The following PRSS23 variants were observed in gnomAD, a reference collection of about 807,000 sequenced individuals.
The protein encoded by PRSS23 is protease, serine 23.
In PRSS23, 25 loss-of-function variants were observed where a neutral mutation model predicts 34.7. The observed-to-expected ratio is 0.72, with a 90% CI of 0.53 to 1.01. The LOEUF (loss-of-function observed/expected upper bound fraction) is 1.01. Among genes scored for constraint, PRSS23 ranks in the 50% least tolerant of loss-of-function variants. PRSS23 has a pLI of 0.00. For missense variants in PRSS23, 445 were observed against 475.6 expected, an observed-to-expected ratio of 0.94 and a Z score of 0.60; for synonymous variants, 176 against 186.6, an observed-to-expected ratio of 0.94 and a Z score of 0.46.
At chr11:86,917,243 C>T (rs1021153993) in intron 2 of PRSS23, among the ~76,000 whole-genome samples, 5 of 152,158 alleles carry the variant, frequency 3.3e-5, no homozygotes, top group East Asian at 1.9e-4. Flanking sequence ...CGCTTGAACC[C>T]GGGAGACGGA....
At chr11:86,824,369 A>T (rs921552509) in intron 2 of PRSS23, among the ~76,000 whole-genome samples, 6 of 146,708 alleles carry the variant, frequency 4.1e-5, no homozygotes, top group African/African-American at 1.5e-4. Flanking sequence ...ATAAAATAAA[A>T]TAAATAAAAT....
chr11:86,949,643 T>C (rs1316232999), intron 2 of PRSS23: 1 of 152,648 alleles, frequency 6.6e-6, no homozygotes, highest in Non-Finnish European at 1.5e-5. Flanking sequence ...CTGCTGGGGG[T>C]ACCCCCTTGT....
chr11:86,830,860 A>C (rs112000774), intron 2 of PRSS23, among the ~76,000 whole-genome samples: 2,379 of 152,120 alleles, frequency 0.016, 65 homozygotes, highest in African/African-American at 0.054. Context: ...GTTCCTCCTA[A>C]TGTCATCAGG....
At chr11:86,812,459 C>T (rs1008216219), downstream of PRSS23, among the ~76,000 whole-genome samples, 1 of 152,240 alleles carries the variant, frequency 6.6e-6, no homozygotes, top group East Asian at 1.9e-4. Flanking sequence ...GGGTTCCCCC[C>T]GGAGGAGGAA....
intron 2 of PRSS23, among the ~76,000 whole-genome samples, chr11:86,881,266 T>C (rs1158075360): frequency 6.6e-6 from 1 of 152,020 alleles, no homozygotes. Context: ...TTTTTTTTTT[T>C]TTTTTATCAT....
At chr11:86,928,217 AATAT>A (rs538992435) in intron 2 of PRSS23, among the ~76,000 whole-genome samples, 14 of 129,986 alleles carry the variant, frequency 1.1e-4, no homozygotes, top group Admixed American at 8.8e-4. Flanking sequence ...TATACTTATA[AATAT>A]ATATGTATTA....
intron 2 of PRSS23, among the ~76,000 whole-genome samples, chr11:86,843,975 T>C (rs1948468032): frequency 6.6e-6 from 1 of 152,230 alleles, no homozygotes; most frequent in Non-Finnish European, 1.5e-5. Flanking sequence ...GAATGTTTAT[T>C]GTGGCACTAT....
At chr11:86,927,086 A>AT (rs1220792479) in intron 2 of PRSS23, among the ~76,000 whole-genome samples, 1 of 152,122 alleles carries the variant, frequency 6.6e-6, no homozygotes, top group Non-Finnish European at 1.5e-5. Context: ...ATTCTTAAGG[A>AT]TTTTTTAGAT....
In PRSS23 at chr11:86,870,634, C is replaced by T. The variant is rs573457287; in HGVS notation, c.206+47041C>T. Among the ~76,000 whole-genome samples, 7 of 152,256 alleles carry T rather than the reference C, an allele frequency of 4.6e-5. No homozygotes were observed. In the South Asian group the frequency reaches 6.2e-4, roughly 14 times the overall value. On this transcript the variant is annotated intron_variant, in intron 2 of 2. Transcript: ENST00000533902. ...TCTTCAGGGATTCCAATTACATATA[C>T]CTTATATCACCTGAAATTGTCCCAC...
At chr11:86,919,349 G>C (rs899722519) in intron 2 of PRSS23, among the ~76,000 whole-genome samples, 4 of 152,238 alleles carry the variant, frequency 2.6e-5, no homozygotes, top group Non-Finnish European at 5.9e-5. Context: ...GCCTGCCACA[G>C]ACGGAGGCCC....
chr11:86,877,273 T>C (rs1332058766), intron 2 of PRSS23, among the ~76,000 whole-genome samples: 1 of 152,198 alleles, frequency 6.6e-6, no homozygotes, highest in East Asian at 1.9e-4. Context: ...AGCACAGTGC[T>C]ACTGCAAAAC....
chr11:86,816,970 A>G (rs1948218924), intron 1 of PRSS23, among the ~76,000 whole-genome samples: 2 of 152,250 alleles, frequency 1.3e-5, no homozygotes, highest in Non-Finnish European at 2.9e-5. Context: ...TAACTTGAAA[A>G]TCTAATTATT....
intron 2 of PRSS23, among the ~76,000 whole-genome samples, chr11:86,829,705 G>C (rs1169835194): frequency 2.7e-5 from 4 of 150,220 alleles, no homozygotes; most frequent in Admixed American, 6.6e-5. Context: ...TTCCTTCTAA[G>C]AGACAGGACC....
intron 2 of PRSS23, chr11:86,947,899 G>C (rs1949257069): frequency 6.6e-6 from 1 of 152,234 alleles, no homozygotes; most frequent in South Asian, 2.1e-4. Flanking sequence ...CCCATTTACT[G>C]TAGGTTTCAG....
chr11:86,822,126 T>G (rs1048357283), intron 1 of PRSS23, among the ~76,000 whole-genome samples: 1 of 152,194 alleles, frequency 6.6e-6, no homozygotes, highest in Non-Finnish European at 1.5e-5. Context: ...ATTTATTTAT[T>G]CGTTCATTTG....
intron 2 of PRSS23, among the ~76,000 whole-genome samples, chr11:86,831,184 C>G (rs1481292203): frequency 6.6e-6 from 1 of 151,890 alleles, no homozygotes; most frequent in African/African-American, 2.4e-5. Flanking sequence ...TGTCACAATG[C>G]TTGTACACCC....
intron 2 of PRSS23, among the ~76,000 whole-genome samples, chr11:86,834,622 C>T (rs569489610): frequency 2.7e-4 from 38 of 139,544 alleles, no homozygotes; most frequent in African/African-American, 7.9e-4. Context: ...CCTATGACTC[C>T]GGCAGTGTAA....
chr11:86,792,044 A>G (rs1440469123), intron 1 of PRSS23, among the ~76,000 whole-genome samples: 1 of 152,096 alleles, frequency 6.6e-6, no homozygotes, highest in African/African-American at 2.4e-5. Flanking sequence ...CACTACCCCT[A>G]TTTTGAAGCA....
At chr11:86,800,017 G>A (rs1948010385), upstream of PRSS23, among the ~76,000 whole-genome samples, 1 of 152,166 alleles carries the variant, frequency 6.6e-6, no homozygotes, top group South Asian at 2.1e-4. Flanking sequence ...GGGGTGGGGC[G>A]CACACAGGTT....
Sources: gnomAD v4.1 joint callset for allele counts (sites outside exome capture counted in the v4.1 genomes callset) on GRCh38, gnomAD v4.1.1 for gene constraint, MANE v1.5 for transcripts, NCBI Gene and HGNC (gene_info 2026-07-23, HGNC 2026-07-21) for gene names.